The following OSBPL5 variants were observed in gnomAD, a reference collection of about 807,000 sequenced individuals.
OSBPL5 encodes the protein oxysterol-binding protein-related protein 5.
In OSBPL5, 71 loss-of-function variants were observed where a neutral mutation model predicts 111.2. The ratio of observed to expected loss-of-function variants is 0.64; its 90% confidence interval spans 0.53 to 0.78. OSBPL5 has a LOEUF of 0.78. Ranked by LOEUF, OSBPL5 falls within the 30% of genes least tolerant of loss-of-function variation. The probability of loss-of-function intolerance (pLI) is 0.00; values close to 1 mark genes in which losing one functional copy is unlikely to be tolerated. For synonymous variants in OSBPL5, 549 were observed against 513.9 expected, an observed-to-expected ratio of 1.07 and a Z score of -0.93; for missense variants, 1,210 against 1,189.3, an observed-to-expected ratio of 1.02 and a Z score of -0.26.
chr11:3,126,650 C>T lies in OSBPL5; in HGVS notation c.137-95G>A, dbSNP rs576663811. On this transcript the variant is annotated intron_variant, in intron 2 of 21. Transcript: ENST00000263650. This position sits in a 1 kb window ranked among gnomAD's most constrained non-coding sequence, Gnocchi z 6.5. ...GTGTGAGGCAGGCGAAGCGTGGGTG[C>T]GGATGACCTGGGAGGGGCAGGAAGT... 9.2e-6 allele frequency: 10 copies of T among 1,090,236 alleles called. No homozygotes were observed. Among genetic ancestry groups the T allele is most frequent in the South Asian group, 3.1e-5 (2 of 63,872 alleles). 67.5% of individuals were successfully genotyped at this position (1,090,236 alleles called of 1,614,324 possible). A position where few individuals can be genotyped will look rare whatever the true frequency, so the allele number is the denominator to read the frequency against.
chr11:3,129,345 C>G, intron 1 of OSBPL5, 176 bp from the exon 2 acceptor site: 1 of 503,822 alleles, frequency 2.0e-6, no homozygotes. Context: ...GACAGCCCAG[C>G]TCAGGCGAAT....
At chr11:3,095,984 G>C (rs566001916) in intron 14 of OSBPL5, among the ~76,000 whole-genome samples, 2 of 151,678 alleles carry the variant, frequency 1.3e-5, no homozygotes, top group Admixed American at 1.3e-4. Context: ...ACGTGATCAG[G>C]CATCTCGAGA....
rs1309085716 is a variant in OSBPL5, at chr11:3,140,081, CGCCAAGCAGCACCTCT to C, written c.-21-10928_-21-10913del. ...CCTGGGAGGGGGGTGTGCAGTGGTC[CGCCAAGCAGCACCTCT>C]GCCAAGGAGCTCCCTCTGCAGAGGA... On this transcript the variant is annotated intron_variant, in intron 1 of 21. Coordinates refer to ENST00000263650, the MANE Select transcript of OSBPL5 (RefSeq NM_020896.4). This position sits in a 1 kb window ranked among gnomAD's most constrained non-coding sequence, Gnocchi z 4.5. 6.6e-6 allele frequency among the ~76,000 whole-genome samples: 1 copy of C among 152,134 alleles called. No homozygotes were observed. The highest frequency in any genetic ancestry group is 1.5e-5 in the Non-Finnish European group (1 of 67,998).
At chr11:3,163,529 T>TC (rs1847024783) in intron 1 of OSBPL5, among the ~76,000 whole-genome samples, 1 of 102,832 alleles carries the variant, frequency 9.7e-6, no homozygotes, top group Non-Finnish European at 2.0e-5. Context: ...AGGGGTTGGG[T>TC]GGGGGGGGCG....
chr11:3,107,206 G>A lies in OSBPL5; in HGVS notation c.1059+57C>T, dbSNP rs1023434366. On this transcript the variant is annotated intron_variant, in intron 9 of 21. Coordinates refer to ENST00000263650, the MANE Select transcript of OSBPL5 (RefSeq NM_020896.4). The surrounding 1 kb of genome is among the most constrained non-coding windows in gnomAD (Gnocchi z 6.1). The stretch of plus-strand genomic sequence containing the variant: ...ATGAGGCATGGCTACCTCTGCTTCC[G>A]GAACAAGGGGCCGAGGCAGGGGAGA... The A allele has an allele frequency of 1.6e-5, 25 of 1,568,742 alleles. No homozygotes were observed. In the East Asian group the frequency reaches 4.0e-4, roughly 25 times the overall value.
chr11:3,114,764 A>G (rs1351269734), intron 7 of OSBPL5, among the ~76,000 whole-genome samples: 1 of 151,262 alleles, frequency 6.6e-6, no homozygotes, highest in African/African-American at 2.4e-5. Context: ...ACGCCTGGCT[A>G]ATTTTTTTTT....
At chr11:3,131,884 T>TCCAC (rs1216647694) in intron 1 of OSBPL5, among the ~76,000 whole-genome samples, 1 of 51,208 alleles carries the variant, frequency 2.0e-5, no homozygotes. Context: ...CATCCACCCA[T>TCCAC]CCACCCACCC....
chr11:3,115,587 A>G (rs1231615715), intron 7 of OSBPL5, among the ~76,000 whole-genome samples: 1 of 152,226 alleles, frequency 6.6e-6, no homozygotes, highest in Non-Finnish European at 1.5e-5. Context: ...GCTGACTTTG[A>G]GAGATAAAGT....
rs923996540 is a variant in OSBPL5 at position 3,087,958 on chromosome 11, T to C, written c.*247A>G. On this transcript the variant is annotated 3_prime_UTR_variant, in exon 22 of 22. Transcript: ENST00000263650. ...CAGGAGTGCGTCGCACAGCAGAAGC[T>C]GCATTTGGCTTTAGCATTAAGGCCA... 7.4e-5 allele frequency: 28 copies of C among 377,100 alleles called. No individual in the cohort carries two copies. Among genetic ancestry groups the C allele is most frequent in the Non-Finnish European group, 5.2e-5 (11 of 212,284 alleles). 23.4% of individuals were successfully genotyped at this position (377,100 alleles called of 1,614,324 possible).
intron 21 of OSBPL5, among the ~76,000 whole-genome samples, 165 bp downstream of exon 21, chr11:3,089,681 C>T (rs1856990164): frequency 6.6e-6 from 1 of 152,198 alleles, no homozygotes; most frequent in African/African-American, 2.4e-5. Flanking sequence ...CTCTCCTGCC[C>T]TCGGCGGTTG....
At chr11:3,151,159 CCTGGAGCCCCTGGGAG>C (rs1238917863) in intron 1 of OSBPL5, among the ~76,000 whole-genome samples, 25 of 152,150 alleles carry the variant, frequency 1.6e-4, no homozygotes, top group African/African-American at 5.8e-4. Flanking sequence ...CCAAGGAACA[CCTGGAGCCCCTGGGAG>C]CTGGAAGAGG....
chr11:3,110,540 C>A lies in OSBPL5; in HGVS notation c.692-2595G>T, dbSNP rs138208163. On this transcript the variant is annotated intron_variant, in intron 7 of 21. Coordinates refer to ENST00000263650, the MANE Select transcript of OSBPL5 (RefSeq NM_020896.4). This position sits in a 1 kb window ranked among gnomAD's most constrained non-coding sequence, Gnocchi z 5.3. The stretch of plus-strand genomic sequence containing the variant: ...TCTAATGTGGATGATAACAGTAGAA[C>A]CTGTTGTTTCAATGGTGCCTGGTGT... Among the ~76,000 whole-genome samples the A allele has an allele frequency of 6.6e-6, 1 of 152,284 alleles. No individual in the cohort carries two copies. Among genetic ancestry groups the A allele is most frequent in the Non-Finnish European group, 1.5e-5 (1 of 68,022 alleles).
chr11:3,126,698 CAGGACACTGCCTGAG>C lies in OSBPL5; in HGVS notation c.137-158_137-144del. ...AGTCAGCCGGAGGTGGTGGCAGGAACAGGACACTGCCTGAGAGGTGTAATAAACGCCAGCAAGCGT... is the reference window on the plus strand; with the variant it reads ...AGTCAGCCGGAGGTGGTGGCAGGAACAGGTGTAATAAACGCCAGCAAGCGT... On this transcript the variant is annotated intron_variant, in intron 2 of 21. Transcript: ENST00000263650. The surrounding 1 kb of genome is among the most constrained non-coding windows in gnomAD (Gnocchi z 6.5). 1 of 604,054 alleles carries C rather than the reference CAGGACACTGCCTGAG, an allele frequency of 1.7e-6. No individual in the cohort carries two copies. Among genetic ancestry groups the C allele is most frequent in the Non-Finnish European group, 2.9e-6 (1 of 347,944 alleles). 37.4% of individuals were successfully genotyped at this position (604,054 alleles called of 1,614,324 possible).
intron 14 of OSBPL5, among the ~76,000 whole-genome samples, chr11:3,099,482 G>C (rs1002937038): frequency 6.6e-6 from 1 of 152,080 alleles, no homozygotes; most frequent in African/African-American, 2.4e-5. Flanking sequence ...GGACACACAG[G>C]AACTCTCTGT....
intron 3 of OSBPL5, 31 bp from the exon 4 acceptor site, chr11:3,122,459 G>A: frequency 6.2e-7 from 1 of 1,605,782 alleles, no homozygotes; most frequent in Non-Finnish European, 8.5e-7. Context: ...TGCGGGACAG[G>A]GCACAGGGGC....
At chr11:3,123,030 T>A (rs7103130) in intron 3 of OSBPL5, among the ~76,000 whole-genome samples, 2 of 152,170 alleles carry the variant, frequency 1.3e-5, no homozygotes, top group South Asian at 4.1e-4. Flanking sequence ...GCAGGGCCAA[T>A]GTACTGGTGG....
At position 3,107,155 on chromosome 11, in the gene OSBPL5, C is replaced by A; in HGVS notation, c.1059+108G>T. The A allele has an allele frequency of 1.6e-6, 2 of 1,276,894 alleles. No individual in the cohort carries two copies. The highest frequency in any genetic ancestry group is 2.5e-5 in the Admixed American group (1 of 40,082). 79.1% of individuals were successfully genotyped at this position (1,276,894 alleles called of 1,614,324 possible). A position where few individuals can be genotyped will look rare whatever the true frequency, so the allele number is the denominator to read the frequency against. On this transcript the variant is annotated intron_variant, in intron 9 of 21. Transcript: ENST00000263650. The surrounding 1 kb of genome is among the most constrained non-coding windows in gnomAD (Gnocchi z 6.1). Reference sequence around the variant, plus strand: ...CAAGTGATGGGGACAAAAGCTACCCCCTGGGCCCTGCGTGCTCCCCCTAGG... The same window carrying A: ...CAAGTGATGGGGACAAAAGCTACCCACTGGGCCCTGCGTGCTCCCCCTAGG...
At chr11:3,150,814 G>A (rs372594814) in intron 1 of OSBPL5, among the ~76,000 whole-genome samples, 2 of 152,160 alleles carry the variant, frequency 1.3e-5, no homozygotes, top group South Asian at 4.1e-4. Context: ...CTGTGATCAC[G>A]CACGCCTGCA....
chr11:3,145,697 G>A (rs1211691552), intron 1 of OSBPL5, among the ~76,000 whole-genome samples: 1 of 152,192 alleles, frequency 6.6e-6, no homozygotes, highest in African/African-American at 2.4e-5. Flanking sequence ...GACCAGCAGG[G>A]CCAGCGAGGC....
Sources: allele counts gnomAD v4.1 joint callset (sites outside exome capture counted in the v4.1 genomes callset), GRCh38; gene constraint gnomAD v4.1.1; non-coding constraint Gnocchi (gnomAD v3.1); transcripts MANE v1.5; gene names NCBI Gene and HGNC (gene_info 2026-07-23, HGNC 2026-07-21).